The following UNC79 variants were observed in gnomAD, a reference collection of about 807,000 sequenced individuals.
UNC79 encodes protein unc-79 homolog.
UNC79 carries 37 observed loss-of-function variants against 283.1 expected under a neutral mutation model. The observed-to-expected ratio is 0.13, with a 90% CI of 0.10 to 0.17. UNC79 has a LOEUF of 0.17. Ranked by LOEUF, UNC79 falls within the 10% of genes least tolerant of loss-of-function variation. UNC79 has a pLI of 1.00. For synonymous variants in UNC79, 1,107 were observed against 1,200.2 expected (o/e 0.92, Z 1.61); for missense variants, 2,272 against 3,211.1 (o/e 0.71, Z 7.07).
chr14:93,575,031 T>G (rs2063395683), intron 16 of UNC79, 27 bp from the exon 17 acceptor site: 1 of 1,575,080 alleles, frequency 6.3e-7, no homozygotes. Flanking sequence ...ATGTGTTTTT[T>G]GGGGGATATA....
intron 35 of UNC79, among the ~76,000 whole-genome samples, chr14:93,648,816 A>C (rs1219348894): frequency 6.6e-6 from 1 of 152,242 alleles, no homozygotes; most frequent in Non-Finnish European, 1.5e-5. Context: ...TGAAAAAGCC[A>C]ATATAACCAC....
chr14:93,572,604 A>G (rs2063269407), intron 15 of UNC79, 89 bp from the exon 16 acceptor site: 1 of 1,559,526 alleles, frequency 6.4e-7, no homozygotes, highest in African/African-American at 1.4e-5. Context: ...TGGCTCTCCA[A>G]ATAGGGAATA....
intron 7 of UNC79, among the ~76,000 whole-genome samples, chr14:93,498,315 G>C (rs921342068): frequency 6.6e-6 from 1 of 151,884 alleles, no homozygotes; most frequent in Admixed American, 6.6e-5. Flanking sequence ...TAGGTCAGGC[G>C]TGGTGGCTCA....
At chr14:93,578,246 T>C (rs988363465) in intron 18 of UNC79, among the ~76,000 whole-genome samples, 183 bp downstream of exon 18, 5 of 152,222 alleles carry the variant, frequency 3.3e-5, no homozygotes, top group African/African-American at 1.2e-4. Context: ...TGTGAATATC[T>C]GCAGTGATGT....
intron 47 of UNC79, among the ~76,000 whole-genome samples, chr14:93,694,935 T>A (rs892282630): frequency 5.9e-5 from 9 of 152,178 alleles, no homozygotes; most frequent in Non-Finnish European, 8.8e-5. Flanking sequence ...ACAAATTAAT[T>A]TAGTTTCAAA....
At chr14:93,469,742 G>A (rs2057405066) in intron 2 of UNC79, among the ~76,000 whole-genome samples, 2 of 152,234 alleles carry the variant, frequency 1.3e-5, no homozygotes, top group Middle Eastern at 3.4e-3. Flanking sequence ...AATTAGCCAG[G>A]TGTGGTGGCA....
chr14:93,612,597 A>G (rs565666812), intron 26 of UNC79, among the ~76,000 whole-genome samples, 200 bp from the exon 28 acceptor site: 3 of 152,194 alleles, frequency 2.0e-5, no homozygotes, highest in Non-Finnish European at 2.9e-5. Flanking sequence ...TTGGTTGTTG[A>G]TGAATACAAT....
chr14:93,336,534 G>C (rs1234155121), intron 1 of UNC79, among the ~76,000 whole-genome samples: 2 of 152,046 alleles, frequency 1.3e-5, no homozygotes, highest in Non-Finnish European at 2.9e-5. Context: ...GTAGAGACAG[G>C]GTTTCACCAT....
chr14:93,455,520 C>T (rs1472182675), intron 1 of UNC79, among the ~76,000 whole-genome samples: 1 of 151,496 alleles, frequency 6.6e-6, no homozygotes, highest in African/African-American at 2.4e-5. Flanking sequence ...GGGGGCTATT[C>T]TTGATTATAT....
chr14:93,599,382 G>GTGTGTGTGTGTT (rs1055178710), intron 24 of UNC79, among the ~76,000 whole-genome samples: 153 of 151,246 alleles, frequency 1.0e-3, no homozygotes, highest in African/African-American at 3.3e-3. Flanking sequence ...GTGTGTGTGT[G>GTGTGTGTGTGTT]TGTATGTGTG....
chr14:93,488,023 G>A lies in UNC79; in HGVS notation c.712+268G>A, dbSNP rs551006969. 2.9e-4 allele frequency among the ~76,000 whole-genome samples: 44 copies of A among 152,260 alleles called. 1 individual carries two copies. The highest frequency in any genetic ancestry group is 1.0e-3 in the African/African-American group (42 of 41,584). On this transcript the variant is annotated intron_variant, in intron 5 of 48. Coordinates refer to ENST00000555664, the Ensembl canonical transcript of UNC79. ...TAAGTATACAGAAATAGTAAAATTA[G>A]AAACATAAAAATCACCTGCAATTCT...
intron 30 of UNC79, among the ~76,000 whole-genome samples, chr14:93,626,392 ATC>A (rs1288355018): frequency 6.6e-6 from 1 of 151,946 alleles, no homozygotes; most frequent in East Asian, 1.9e-4. Context: ...ACACGATTCT[ATC>A]TCTCTCGCTT....
At chr14:93,604,996 G>T (rs779615859) in intron 26 of UNC79, 35 bp downstream of exon 27, 1 of 1,553,652 alleles carries the variant, frequency 6.4e-7, no homozygotes, top group Admixed American at 1.9e-5. Context: ...CCATGTACAA[G>T]TGTCTATCAC....
intron 1 of UNC79, among the ~76,000 whole-genome samples, chr14:93,439,666 G>A (rs924630327): frequency 6.6e-6 from 1 of 152,004 alleles, no homozygotes; most frequent in African/African-American, 2.4e-5. Context: ...TAATATAATA[G>A]CATTGGTGTT....
chr14:93,628,880 A>AT (rs2067787162), intron 30 of UNC79, among the ~76,000 whole-genome samples: 1 of 152,232 alleles, frequency 6.6e-6, no homozygotes, highest in African/African-American at 2.4e-5. Flanking sequence ...TTTCTTTAAA[A>AT]TTAAAGATAC....
chr14:93,653,246 T>G (rs1413073840), intron 35 of UNC79, among the ~76,000 whole-genome samples: 1 of 152,028 alleles, frequency 6.6e-6, no homozygotes, highest in Non-Finnish European at 1.5e-5. Context: ...AAGTCCAGCC[T>G]TTTTACAAGT....
At chr14:93,423,929 C>T (rs896703289) in intron 1 of UNC79, among the ~76,000 whole-genome samples, 1 of 152,036 alleles carries the variant, frequency 6.6e-6, no homozygotes, top group African/African-American at 2.4e-5. Context: ...AAGGGCTAAC[C>T]CACAGAATGG....
chr14:93,423,085 A>G (rs1293848254), intron 1 of UNC79, among the ~76,000 whole-genome samples: 5 of 147,742 alleles, frequency 3.4e-5, no homozygotes, highest in African/African-American at 7.5e-5. Context: ...AAAAAAAAAA[A>G]AAAAAAGAAA....
chr14:93,492,458 A>G (rs749417752), intron 5 of UNC79, among the ~76,000 whole-genome samples: 3 of 152,144 alleles, frequency 2.0e-5, no homozygotes, highest in Non-Finnish European at 4.4e-5. Context: ...GGTTCAAGCA[A>G]TTCTCCTGCC....
Sources: gnomAD v4.1 joint callset for allele counts (sites outside exome capture counted in the v4.1 genomes callset) on GRCh38, gnomAD v4.1.1 for gene constraint, MANE v1.5 for transcripts, NCBI Gene and HGNC (gene_info 2026-07-23, HGNC 2026-07-21) for gene names.